The following ZNF208 variants were observed in gnomAD, a reference collection of about 807,000 sequenced individuals.
ZNF208 encodes zinc finger protein 208.
ZNF208 carries 10 observed loss-of-function variants against 12.1 expected under a neutral mutation model. That is an observed-to-expected ratio of 0.83 (90% CI 0.51 to 1.40). The LOEUF (loss-of-function observed/expected upper bound fraction) is 1.40, where lower values mean the gene tolerates loss of function less well. Among genes scored for constraint, ZNF208 ranks in the 40% most tolerant of loss-of-function variants. The pLI is 0.00. For synonymous variants in ZNF208, 497 were observed against 488.4 expected (o/e 1.02, Z -0.23); for missense variants, 1,652 against 1,485.0 (o/e 1.11, Z -1.85).
At chr19:21,990,850 T>A (rs1970721242) in intron 1 of ZNF208, among the ~76,000 whole-genome samples, 1 of 152,218 alleles carries the variant, frequency 6.6e-6, no homozygotes, top group African/African-American at 2.4e-5. Context: ...TCCTAAGTAT[T>A]TTATTCTCTT....
intron 4 of ZNF208, among the ~76,000 whole-genome samples, chr19:21,948,153 G>A (rs547605997): frequency 2.6e-5 from 4 of 152,076 alleles, no homozygotes; most frequent in African/African-American, 7.2e-5. Flanking sequence ...GTAACAAACC[G>A]TCTACAGTTT....
At chr19:21,958,437 A>G (rs960946191) in intron 4 of ZNF208, among the ~76,000 whole-genome samples, 1 of 152,212 alleles carries the variant, frequency 6.6e-6, no homozygotes, top group Non-Finnish European at 1.5e-5. Context: ...TAAGGTGCCA[A>G]TAACCCAGAG....
At chr19:21,961,935 C>A (rs1265322388), downstream of ZNF208, among the ~76,000 whole-genome samples, 2 of 152,000 alleles carry the variant, frequency 1.3e-5, no homozygotes, top group African/African-American at 2.4e-5. Context: ...TCAATTTGTA[C>A]AATACTGGTC....
rs766895514 is a variant in ZNF208 at position 21,974,731 on chromosome 19, T to A, written c.303A>T (p.Arg101Ser). The change falls in exon 4 of 4, where the codon AGA (arginine) becomes AGT (serine). Residue 101 changes from arginine to serine, a missense_variant. By Grantham distance (110) the Arg-to-Ser change is moderately radical (BLOSUM62 -1). This residue lies in a region of ZNF208 where 410 missense variants were observed against 378.2 expected (regional missense o/e 1.08). Coordinates refer to ENST00000397126, the MANE Select transcript of ZNF208 (RefSeq NM_007153.3). ...TCTCATGTCCACATTTTTCATACCT[T>A]CTCAATATCACTTTTTGGAAAGAAT... ...IEDSFQKVIL[R>S]RYEKCGHENL... 1 of 1,612,638 alleles carries A rather than the reference T, an allele frequency of 6.2e-7. No homozygotes were observed. The highest frequency in any genetic ancestry group is 1.3e-5 in the African/African-American group (1 of 74,986).
rs1568446243 is a variant in ZNF208, at chr19:21,974,642, T to C, written c.392A>G (p.Asn131Ser). 1.9e-6 allele frequency: 3 copies of C among 1,613,764 alleles called. No homozygotes were observed. The highest frequency in any genetic ancestry group is 2.5e-6 in the Non-Finnish European group (3 of 1,179,772). The change falls in exon 4 of 4, where the codon AAT (asparagine) becomes AGT (serine). Residue 131 changes from asparagine to serine, a missense_variant. By Grantham distance (46) the Asn-to-Ser change is conservative. Transcript: ENST00000397126. ...AGTTGTCAAACTCTGGTTAAGTTTATTATAACCTTCTTTGTGCACCTTACA... is the reference window on the plus strand; with the variant it reads ...AGTTGTCAAACTCTGGTTAAGTTTACTATAACCTTCTTTGTGCACCTTACA... ...DECKVHKEGY[N>S]KLNQSLTTTQ... is the part of the protein sequence containing the mutation.
intron 1 of ZNF208, among the ~76,000 whole-genome samples, chr19:22,008,900 T>C (rs1426262463): frequency 6.6e-6 from 1 of 152,156 alleles, no homozygotes; most frequent in Non-Finnish European, 1.5e-5. Context: ...GGTTGTCTTA[T>C]GGGAGAAAAT....
intron 4 of ZNF208, among the ~76,000 whole-genome samples, chr19:21,944,756 T>C (rs1438545828): frequency 1.3e-5 from 2 of 152,206 alleles, no homozygotes; most frequent in Non-Finnish European, 2.9e-5. Context: ...CTGTTGACAA[T>C]GTTGACATAA....
At chr19:21,995,904 T>C (rs928899517) in intron 1 of ZNF208, among the ~76,000 whole-genome samples, 1 of 152,218 alleles carries the variant, frequency 6.6e-6, no homozygotes, top group African/African-American at 2.4e-5. Context: ...AATGTCTATG[T>C]TGATATCTCA....
intron 1 of ZNF208, among the ~76,000 whole-genome samples, chr19:21,996,661 T>C (rs1371289350): frequency 6.6e-6 from 1 of 152,096 alleles, no homozygotes; most frequent in Non-Finnish European, 1.5e-5. Flanking sequence ...TACCTGAACA[T>C]TTGTGGGCAT....
At chr19:22,008,011 A>AAAG (rs1289708105) in intron 1 of ZNF208, among the ~76,000 whole-genome samples, 6 of 149,150 alleles carry the variant, frequency 4.0e-5, no homozygotes, top group Admixed American at 3.4e-4. Flanking sequence ...CTTAAAAAAA[A>AAAG]AAAAAAAAAA....
intron 4 of ZNF208, among the ~76,000 whole-genome samples, chr19:21,960,024 C>T: frequency 6.6e-6 from 1 of 152,044 alleles, no homozygotes; most frequent in Middle Eastern, 3.2e-3. Context: ...GGTAATACAG[C>T]AGTTGAATTT....
At chr19:21,984,897 C>T (rs753877196) in intron 3 of ZNF208, among the ~76,000 whole-genome samples, 35 of 152,040 alleles carry the variant, frequency 2.3e-4, no homozygotes, top group Non-Finnish European at 4.3e-4. Context: ...AAAAATCAGA[C>T]TAAAGAAATA....
rs527498161 is a variant in ZNF208, at chr19:21,972,807, G to A, written c.2227C>T (p.His743Tyr). 161 of 1,612,154 alleles carry A rather than the reference G, an allele frequency of 1.0e-4. 2 individuals carry two copies. The South Asian group carries it at 1.3e-3, about 13-fold the overall frequency. ...CATTTGTAGGGTTTCTCTCCAGTAT[G>A]AATTACCTTATGTTTAGTAAGGACT... ...FSVLTKHKVI[H>Y]TGEKPYKCEE... Residue 743 changes from histidine (H) to tyrosine (Y), a missense_variant, in exon 4 of 4, where the codon CAT becomes TAT. By Grantham distance (83) the His-to-Tyr change is moderately conservative (BLOSUM62 2). Around this residue, in one of 3 missense-constraint regions of ZNF208, gnomAD observed 1,239 missense variants for 1,086.2 expected, o/e 1.14. Transcript: ENST00000397126.
chr19:22,004,066 A>G (rs1971001974), intron 1 of ZNF208, among the ~76,000 whole-genome samples: 1 of 152,080 alleles, frequency 6.6e-6, no homozygotes, highest in Non-Finnish European at 1.5e-5. Flanking sequence ...AGTCTTAGCT[A>G]CTTGGGAAGC....
In ZNF208 at chr19:22,001,892, CAAA is replaced by C. The variant is rs58939967; in HGVS notation, c.3+8897_3+8899del. ...TGGATGACACAGTGAGACTCCATCCCAAAAAAAAAAAAAAAAAAAAAAAAAAAA... is the reference window on the plus strand; with the variant it reads ...TGGATGACACAGTGAGACTCCATCCCAAAAAAAAAAAAAAAAAAAAAAAAA... On this transcript the variant is annotated intron_variant, in intron 1 of 3. Transcript: ENST00000397126. Among the ~76,000 whole-genome samples the C allele has an allele frequency of 5.4e-5, 4 of 74,096 alleles. 1 individual carries two copies. Among genetic ancestry groups the C allele is most frequent in the South Asian group, 4.6e-4 (1 of 2,160 alleles). 48.6% of individuals were successfully genotyped at this position (74,096 alleles called of 152,430 possible).
At chr19:21,944,782 C>T (rs1043520184) in intron 4 of ZNF208, among the ~76,000 whole-genome samples, 2 of 152,174 alleles carry the variant, frequency 1.3e-5, no homozygotes, top group Non-Finnish European at 2.9e-5. Context: ...AAATCTTAGT[C>T]TCAGAGCTGG....
Position 21,972,327 on chromosome 19 carries a change from T to G in ZNF208, c.2707A>C (p.Ile903Leu). 1 of 1,613,460 alleles carries G rather than the reference T, an allele frequency of 6.2e-7. No homozygotes were observed. The change falls in exon 4 of 4, where the codon ATC (isoleucine) becomes CTC (leucine). Residue 903 changes from isoleucine (I) to leucine (L), a missense_variant. Physicochemically the swap from Ile to Leu is conservative, Grantham distance 5. Transcript: ENST00000397126. ...ECGKGFSMFS[I>L]LTKHEVIHTG... Reference sequence around the variant, plus strand: ...TGAATTACCTCATGTTTAGTAAGGATGGAGAACATACTAAAACCTTTGCCA... The same window carrying G: ...TGAATTACCTCATGTTTAGTAAGGAGGGAGAACATACTAAAACCTTTGCCA...
At chr19:21,993,291 G>A (rs1221589479) in intron 1 of ZNF208, among the ~76,000 whole-genome samples, 4 of 152,042 alleles carry the variant, frequency 2.6e-5, no homozygotes, top group Non-Finnish European at 5.9e-5. Flanking sequence ...AACAGAATTA[G>A]GTTCTTGGAC....
chr19:21,990,324 C>T (rs1258545611), intron 1 of ZNF208, among the ~76,000 whole-genome samples: 1 of 152,174 alleles, frequency 6.6e-6, no homozygotes, highest in Non-Finnish European at 1.5e-5. Flanking sequence ...TTCCCAGCAC[C>T]ATTTATTAAA....
Sources: gnomAD v4.1 joint callset for allele counts (sites outside exome capture counted in the v4.1 genomes callset) on GRCh38, gnomAD v4.1.1 for gene constraint, gnomAD v4.1.1 regional missense constraint, MANE v1.5 for transcripts, NCBI Gene and HGNC (gene_info 2026-07-23, HGNC 2026-07-21) for gene names.